GFRA1: variants seen among roughly 807,000 people sequenced by gnomAD.
GFRA1 encodes GDNF family receptor alpha-1.
A neutral mutation model predicts 51.6 loss-of-function variants in GFRA1; 16 were observed. The ratio of observed to expected loss-of-function variants is 0.31; its 90% CI spans 0.21 to 0.47. The LOEUF (loss-of-function observed/expected upper bound fraction) is 0.47, where lower values mean the gene tolerates loss of function less well. Among genes scored for constraint, GFRA1 ranks in the 20% least tolerant of loss-of-function variants. The pLI is 1.00. For synonymous variants in GFRA1, 270 were observed against 241.3 expected, an observed-to-expected ratio of 1.12 and a Z score of -1.10; for missense variants, 530 against 594.3, an observed-to-expected ratio of 0.89 and a Z score of 1.13.
intron 4 of GFRA1, among the ~76,000 whole-genome samples, chr10:116,243,681 G>A (rs1330155950): frequency 6.6e-6 from 1 of 151,972 alleles, no homozygotes; most frequent in African/African-American, 2.4e-5. Context: ...ATCTGGGAGT[G>A]GGGTCCAGGT....
At chr10:116,093,983 G>A in intron 7 of GFRA1, 147 bp from the exon 8 acceptor site, 1 of 744,354 alleles carries the variant, frequency 1.3e-6, no homozygotes, top group South Asian at 1.6e-5. Context: ...GTTAAGCAGT[G>A]CATTTTCTCG....
At chr10:116,230,108 C>T (rs957106619) in intron 4 of GFRA1, among the ~76,000 whole-genome samples, 2 of 152,106 alleles carry the variant, frequency 1.3e-5, no homozygotes, top group South Asian at 4.2e-4. Flanking sequence ...CTGAAGGTCT[C>T]AGCAGTGTTT....
chr10:116,264,342 C>A (rs1969501805), intron 4 of GFRA1, among the ~76,000 whole-genome samples: 1 of 152,292 alleles, frequency 6.6e-6, no homozygotes, highest in South Asian at 2.1e-4. Flanking sequence ...GAGTACTGGA[C>A]TAGATCTCTA....
chr10:116,188,366 G>C (rs901864010), intron 5 of GFRA1, among the ~76,000 whole-genome samples: 2 of 152,142 alleles, frequency 1.3e-5, no homozygotes, highest in African/African-American at 4.8e-5. Context: ...GGACACAAAA[G>C]GACAAATAGT....
intron 8 of GFRA1, among the ~76,000 whole-genome samples, chr10:116,091,496 C>G (rs374234126): frequency 1.3e-5 from 2 of 152,106 alleles, no homozygotes; most frequent in Non-Finnish European, 2.9e-5. Context: ...GGTGAAGGTG[C>G]CATCTGAATA....
At chr10:116,178,474 G>A (rs1239804515) in intron 5 of GFRA1, among the ~76,000 whole-genome samples, 1 of 152,222 alleles carries the variant, frequency 6.6e-6, no homozygotes, top group East Asian at 1.9e-4. Context: ...GTAGGTACTC[G>A]GCGAGTGTAC....
intron 9 of GFRA1, among the ~76,000 whole-genome samples, chr10:116,087,294 T>C (rs1442559791): frequency 6.6e-6 from 1 of 151,876 alleles, no homozygotes; most frequent in Non-Finnish European, 1.5e-5. Flanking sequence ...CAGGGGGCGG[T>C]GTGGAAGAGA....
At position 116,064,268 on chromosome 10, in the gene GFRA1, A is replaced by C; in HGVS notation, c.*130T>G. ...GCTTTCTTAAAAGGAAAAAAAAAAA[A>C]TGTTCCAGTTGAATGGAACTGTTTC... On this transcript the variant is annotated 3_prime_UTR_variant, in exon 11 of 11. Coordinates refer to ENST00000355422, the MANE Select transcript of GFRA1 (RefSeq NM_005264.8). 1.3e-6 allele frequency: 1 copy of C among 787,186 alleles called. No individual in the cohort carries two copies. Among genetic ancestry groups the C allele is most frequent in the South Asian group, 1.7e-5 (1 of 60,354 alleles). The allele number at this position is 787,186 out of a possible 1,614,324, so 48.8% of individuals were successfully genotyped here. A position where few individuals can be genotyped will look rare whatever the true frequency, so the allele number is the denominator to read the frequency against.
At chr10:116,211,674 G>T (rs2134445082) in intron 4 of GFRA1, 29 bp from the exon 5 acceptor site, 2 of 1,534,808 alleles carry the variant, frequency 1.3e-6, no homozygotes, top group Non-Finnish European at 1.8e-6. Flanking sequence ...AGTAGGGGAG[G>T]GGAGAGGGGA....
intron 5 of GFRA1, among the ~76,000 whole-genome samples, chr10:116,170,496 G>A (rs1401581515): frequency 6.6e-6 from 1 of 152,148 alleles, no homozygotes; most frequent in African/African-American, 2.4e-5. Context: ...CAAACCAAAG[G>A]AAACCTGTAC....
rs192503291 is a variant in GFRA1 at position 116,229,966 on chromosome 10, C to T, written c.419-18321G>A. Among the ~76,000 whole-genome samples, 390 of 152,298 alleles carry T rather than the reference C, an allele frequency of 2.6e-3. 1 individual carries two copies. Among genetic ancestry groups the T allele is most frequent in the Middle Eastern group, 0.01 (3 of 294 alleles). ...GGGGAGCTTCCTTCTCCATGGGTTT[C>T]CCTGGGTTGTTACCTGAGCAAATCC... On this transcript the variant is annotated intron_variant, in intron 4 of 10. Transcript: ENST00000355422.
intron 9 of GFRA1, among the ~76,000 whole-genome samples, chr10:116,076,491 G>A (rs1019046239): frequency 2.0e-5 from 3 of 152,096 alleles, no homozygotes; most frequent in Non-Finnish European, 4.4e-5. Flanking sequence ...GGTTCTAGGC[G>A]CTGCAGGTGA....
intron 7 of GFRA1, 132 bp from the exon 8 acceptor site, chr10:116,093,968 A>G (rs568586260): frequency 1.2e-6 from 1 of 844,124 alleles, no homozygotes; most frequent in Non-Finnish European, 2.0e-6. Flanking sequence ...TGAGTGGGAA[A>G]TTATGTTAAG....
chr10:116,235,162 T>C (rs1966852770), intron 4 of GFRA1, among the ~76,000 whole-genome samples: 1 of 152,180 alleles, frequency 6.6e-6, no homozygotes, highest in Non-Finnish European at 1.5e-5. Context: ...GGAATATCTG[T>C]GCCTCTCTCA....
intron 5 of GFRA1, among the ~76,000 whole-genome samples, chr10:116,135,283 T>C (rs936331945): frequency 6.6e-6 from 1 of 152,224 alleles, no homozygotes; most frequent in Non-Finnish European, 1.5e-5. Context: ...AACCTAATTA[T>C]AATTACGGTG....
At chr10:116,146,493 G>A (rs147482324) in intron 5 of GFRA1, among the ~76,000 whole-genome samples, 26 of 152,348 alleles carry the variant, frequency 1.7e-4, no homozygotes, top group Non-Finnish European at 3.1e-4. Flanking sequence ...CAAGCATCAA[G>A]TGTGGGCACC....
At chr10:116,200,243 A>C (rs1433890594) in intron 5 of GFRA1, among the ~76,000 whole-genome samples, 1 of 152,170 alleles carries the variant, frequency 6.6e-6, no homozygotes, top group East Asian at 1.9e-4. Context: ...CTCTGGCCCG[A>C]TTATGGCACT....
chr10:116,133,476 T>A (rs954560022), intron 5 of GFRA1, among the ~76,000 whole-genome samples: 2 of 152,104 alleles, frequency 1.3e-5, no homozygotes, highest in African/African-American at 4.8e-5. Flanking sequence ...GTGAGGAGCA[T>A]CTGGGTTTTA....
intron 4 of GFRA1, among the ~76,000 whole-genome samples, chr10:116,251,533 C>A (rs1968361625): frequency 1.3e-5 from 2 of 152,288 alleles, no homozygotes; most frequent in South Asian, 4.1e-4. Flanking sequence ...CAGAGAGGAA[C>A]AGAAGGGTCT....
Sources: allele counts gnomAD v4.1 joint callset (sites outside exome capture counted in the v4.1 genomes callset), GRCh38; gene constraint gnomAD v4.1.1; transcripts MANE v1.5; gene names NCBI Gene and HGNC (gene_info 2026-07-23, HGNC 2026-07-21).